Variants in NBEA observed in about 807,000 individuals in gnomAD.
NBEA encodes lysosomal-trafficking regulator 2.
A neutral mutation model predicts 343.4 loss-of-function variants in NBEA; 44 were observed. That is an observed-to-expected ratio of 0.13 (90% CI 0.10 to 0.16). The LOEUF (loss-of-function observed/expected upper bound fraction) is 0.16, where lower values mean the gene tolerates loss of function less well. Ranked by LOEUF, NBEA falls within the 10% of genes least tolerant of loss-of-function variation. The pLI is 1.00. For synonymous variants in NBEA, 1,175 were observed against 1,238.7 expected (o/e 0.95, Z 1.08); for missense variants, 2,555 against 3,631.3 (o/e 0.70, Z 7.62).
At position 35,475,922 on chromosome 13, in the gene NBEA, C is replaced by T. The variant is rs764024059; in HGVS notation, c.6585+3386C>T. On this transcript the variant is annotated intron_variant, in intron 41 of 58. Transcript: ENST00000379939. ...TTGAGATAAAGCACCACTTCAAATT[C>T]GGTGGGGGAGATGACCTCGAGGCCC... 12 of 1,614,128 alleles carry T rather than the reference C, an allele frequency of 7.4e-6. No individual in the cohort carries two copies. In the South Asian group the frequency reaches 1.2e-4, roughly 16 times the overall value.
chr13:35,275,484 A>G (rs2034514766), intron 34 of NBEA, among the ~76,000 whole-genome samples: 1 of 152,200 alleles, frequency 6.6e-6, no homozygotes, highest in Non-Finnish European at 1.5e-5. Context: ...CAATGGCAAC[A>G]AAAGCCAAAA....
rs543148607 is a variant in NBEA, at chr13:35,509,999, G to T, written c.6585+37463G>T. ...AAGCTAACTTCTACTTCATGATTTT[G>T]AATGTCAATAGATCTGATCTGAATA... On this transcript the variant is annotated intron_variant, in intron 41 of 58. Transcript: ENST00000379939. Among the ~76,000 whole-genome samples, 57 of 152,250 alleles carry T rather than the reference G, an allele frequency of 3.7e-4. 1 individual carries two copies. Among genetic ancestry groups the T allele is most frequent in the African/African-American group, 1.3e-3 (56 of 41,542 alleles).
At chr13:35,476,764 C>G (rs913774431) in intron 41 of NBEA, 9 of 1,043,144 alleles carry the variant, frequency 8.6e-6, no homozygotes, top group Non-Finnish European at 1.1e-5. Context: ...CCACTGGGCT[C>G]GTCACGACAG....
chr13:35,515,915 A>G (rs1056357717), intron 41 of NBEA, among the ~76,000 whole-genome samples: 5 of 152,324 alleles, frequency 3.3e-5, no homozygotes, highest in African/African-American at 1.2e-4. Flanking sequence ...ATCACACACA[A>G]TAAGATGCAA....
chr13:35,098,818 T>C (rs1011662889), intron 11 of NBEA, among the ~76,000 whole-genome samples: 1 of 152,106 alleles, frequency 6.6e-6, no homozygotes, highest in African/African-American at 2.4e-5. Context: ...AATCTCATGC[T>C]GTCCCTCTTC....
intron 1 of NBEA, among the ~76,000 whole-genome samples, chr13:34,964,780 T>C (rs1442509354): frequency 1.3e-5 from 2 of 151,984 alleles, no homozygotes; most frequent in Non-Finnish European, 1.5e-5. Flanking sequence ...TATCTATGTC[T>C]CTGGGTCCAT....
chr13:35,285,524 A>T (rs564275040), intron 34 of NBEA, among the ~76,000 whole-genome samples: 1 of 152,168 alleles, frequency 6.6e-6, no homozygotes, highest in South Asian at 2.1e-4. Flanking sequence ...TTTGCTTCTT[A>T]ATTTGCTTTC....
chr13:35,437,118 C>T (rs1389461819), intron 39 of NBEA, among the ~76,000 whole-genome samples: 2 of 152,078 alleles, frequency 1.3e-5, no homozygotes, highest in East Asian at 3.8e-4. Context: ...ATAAAAATAT[C>T]TTGAGTCATT....
At chr13:35,571,339 C>T (rs2080407144) in intron 45 of NBEA, among the ~76,000 whole-genome samples, 1 of 152,116 alleles carries the variant, frequency 6.6e-6, no homozygotes, top group Non-Finnish European at 1.5e-5. Context: ...CTGAAAGTGG[C>T]TTGAACAATA....
intron 38 of NBEA, among the ~76,000 whole-genome samples, chr13:35,428,796 C>T (rs1400121736): frequency 1.3e-5 from 2 of 152,092 alleles, no homozygotes; most frequent in African/African-American, 4.8e-5. Flanking sequence ...GAAACCTGGA[C>T]CTTTTCTTAT....
At chr13:35,274,717 T>TAACAGACA (rs1179279756) in intron 34 of NBEA, among the ~76,000 whole-genome samples, 1 of 149,290 alleles carries the variant, frequency 6.7e-6, no homozygotes, top group Admixed American at 6.7e-5. Flanking sequence ...TATACACCAG[T>TAACAGACA]AATAGAGAGC....
At chr13:35,152,124 T>C (rs1468468395) in intron 18 of NBEA, among the ~76,000 whole-genome samples, 1 of 152,196 alleles carries the variant, frequency 6.6e-6, no homozygotes, top group Non-Finnish European at 1.5e-5. Flanking sequence ...GAGCCAAATG[T>C]AAGATCTTAT....
In NBEA at chr13:35,605,352, G is replaced by A. The variant is rs9593312; in HGVS notation, c.7297-1074G>A. On this transcript the variant is annotated intron_variant, in intron 47 of 58. Coordinates refer to ENST00000379939, the MANE Select transcript of NBEA (RefSeq NM_001385012.1). ...TATATCAGTTTTAGTGGGAGAACTC[G>A]TGAAGAGAAAGATTTTATATATGCT... 7.6e-3 allele frequency among the ~76,000 whole-genome samples: 1,158 copies of A among 152,238 alleles called. 15 individuals are homozygous for A. Among genetic ancestry groups the A allele is most frequent in the African/African-American group, 0.026 (1,078 of 41,548 alleles).
At chr13:35,059,743 C>CATATATAT (rs71078077) in intron 8 of NBEA, among the ~76,000 whole-genome samples, 4 of 145,776 alleles carry the variant, frequency 2.7e-5, no homozygotes, top group Non-Finnish European at 6.1e-5. Flanking sequence ...CTTTGTATGT[C>CATATATAT]ATATATATAT....
intron 17 of NBEA, among the ~76,000 whole-genome samples, chr13:35,128,343 A>AC (rs2067238488): frequency 1.3e-5 from 2 of 152,204 alleles, no homozygotes; most frequent in African/African-American, 4.8e-5. Context: ...CTTTATAATG[A>AC]TAAAATAGAA....
intron 10 of NBEA, among the ~76,000 whole-genome samples, chr13:35,093,966 A>T (rs1028409755): frequency 2.6e-5 from 4 of 151,778 alleles, no homozygotes; most frequent in African/African-American, 9.7e-5. Context: ...ATTTTGTTAC[A>T]TACTATATAC....
intron 34 of NBEA, chr13:35,251,522 G>C: frequency 8.9e-7 from 1 of 1,128,966 alleles, no homozygotes. Flanking sequence ...GCCACCTCTG[G>C]GCTCATCCTG....
intron 34 of NBEA, among the ~76,000 whole-genome samples, chr13:35,259,845 A>G (rs1263178000): frequency 6.6e-6 from 1 of 152,130 alleles, no homozygotes; most frequent in Non-Finnish European, 1.5e-5. Context: ...TTGTGTTACA[A>G]CATAACTTCA....
intron 51 of NBEA, among the ~76,000 whole-genome samples, chr13:35,647,008 T>C (rs925582780): frequency 5.3e-5 from 8 of 152,336 alleles, no homozygotes; most frequent in African/African-American, 1.9e-4. Flanking sequence ...TGTCATACAA[T>C]AAGTTCTTAA....
Sources: allele counts gnomAD v4.1 joint callset (sites outside exome capture counted in the v4.1 genomes callset), GRCh38; gene constraint gnomAD v4.1.1; transcripts MANE v1.5; gene names NCBI Gene and HGNC (gene_info 2026-07-23, HGNC 2026-07-21).